The following TRRAP variants were observed in gnomAD, a reference collection of about 807,000 sequenced individuals.
TRRAP encodes the protein transformation/transcription domain associated protein, also known as transformation/transcription domain-associated protein.
TRRAP carries 41 observed loss-of-function variants against 438.8 expected under a neutral mutation model. That is an observed-to-expected ratio of 0.09 (90% CI 0.07 to 0.12). The LOEUF is 0.12. Among genes scored for constraint, TRRAP ranks in the 10% least tolerant of loss-of-function variants. The probability of loss-of-function intolerance (pLI) is 1.00; values close to 1 mark genes in which losing one functional copy is unlikely to be tolerated. For missense variants in TRRAP, 3,122 were observed against 5,055.1 expected (o/e 0.62, Z 11.60); for synonymous variants, 1,994 against 1,962.9 (o/e 1.02, Z -0.42).
chr7:98,922,586 T>C (rs1458794837), intron 21 of TRRAP, among the ~76,000 whole-genome samples: 2 of 152,066 alleles, frequency 1.3e-5, no homozygotes, highest in Non-Finnish European at 1.5e-5. Flanking sequence ...TCCCTCTGAC[T>C]CTGTCACCAG....
intron 43 of TRRAP, 133 bp from the exon 44 acceptor site, chr7:98,957,848 G>A (rs1791692376): frequency 1.4e-6 from 1 of 740,346 alleles, no homozygotes; most frequent in Admixed American, 2.0e-5. Context: ...ATCTGTCTTT[G>A]GTATCCCCAG....
intron 67 of TRRAP, chr7:98,999,054 G>A: frequency 2.1e-6 from 2 of 936,234 alleles, no homozygotes; most frequent in South Asian, 1.6e-5. Context: ...GGAGGAGAAG[G>A]CAGCCATGAC....
chr7:98,911,010 C>T, intron 16 of TRRAP, 67 bp from the exon 17 acceptor site: 8 of 1,415,186 alleles, frequency 5.7e-6, no homozygotes, highest in Non-Finnish European at 6.8e-6. Context: ...GATCTGGTTA[C>T]ATAATGGAAC....
chr7:98,929,500 C>T (rs1479331269), intron 23 of TRRAP, among the ~76,000 whole-genome samples: 5 of 152,186 alleles, frequency 3.3e-5, no homozygotes, highest in African/African-American at 7.2e-5. Context: ...CAGAAAAATA[C>T]AGCCTAAAGG....
chr7:98,994,524 T>C lies in TRRAP; in HGVS notation c.10048-63T>C. ...GGAGGGCCGCACTCAATAGGCGCTT[T>C]TGGCTGCTGGTTCTGGAGTGGAGGG... On this transcript the variant is annotated intron_variant, in intron 66 of 72. Coordinates refer to ENST00000456197, the MANE Select transcript of TRRAP (RefSeq NM_001375524.1). This position sits in a 1 kb window ranked among gnomAD's most constrained non-coding sequence, Gnocchi z 4.8. 6.2e-7 allele frequency: 1 copy of C among 1,602,572 alleles called. No individual in the cohort carries two copies. The highest frequency in any genetic ancestry group is 8.5e-7 in the Non-Finnish European group (1 of 1,173,990).
At chr7:98,954,477 C>T (rs1791497774) in intron 40 of TRRAP, among the ~76,000 whole-genome samples, 1 of 152,250 alleles carries the variant, frequency 6.6e-6, no homozygotes, top group South Asian at 2.1e-4. Context: ...CACATCCCCT[C>T]CCATGGGTCG....
intron 1 of TRRAP, among the ~76,000 whole-genome samples, chr7:98,880,861 G>C (rs890002766): frequency 4.6e-5 from 7 of 152,070 alleles, no homozygotes; most frequent in Non-Finnish European, 8.8e-5. Flanking sequence ...CAGAGAAAGA[G>C]AAAATACCGT....
At chr7:98,991,963 T>C (rs547367931) in intron 64 of TRRAP, among the ~76,000 whole-genome samples, 174 bp from the exon 65 acceptor site, 1 of 152,244 alleles carries the variant, frequency 6.6e-6, no homozygotes, top group Non-Finnish European at 1.5e-5. Flanking sequence ...ATATTTTGCC[T>C]GCTGTTGAAC....
rs1440747737 is a variant in TRRAP, at chr7:99,013,222, A to AT, written c.*868dup. ...GTACAGTGTGATTTTTTTTTTTAGA[A>AT]TAAATATTTTATAAAAGGGTTTATT... On this transcript the variant is annotated 3_prime_UTR_variant, in exon 73 of 73. Coordinates refer to ENST00000456197, the MANE Select transcript of TRRAP (RefSeq NM_001375524.1). 6.6e-6 allele frequency: 1 copy of AT among 151,994 alleles called. No homozygotes were observed. The highest frequency in any genetic ancestry group is 1.9e-4 in the East Asian group (1 of 5,202). The allele number at this position is 151,994 out of a possible 1,614,324, so 9.4% of individuals were successfully genotyped here. A position where few individuals can be genotyped will look rare whatever the true frequency, so the allele number is the denominator to read the frequency against.
intron 3 of TRRAP, among the ~76,000 whole-genome samples, chr7:98,884,111 C>G (rs1362854142): frequency 1.3e-5 from 2 of 152,156 alleles, no homozygotes; most frequent in Non-Finnish European, 2.9e-5. Flanking sequence ...AGGACATGGT[C>G]TAGCTGGATG....
chr7:98,962,348 C>T lies in TRRAP; in HGVS notation c.6750C>T (p.Tyr2250=), dbSNP rs111487624. ...AATATGAAGAGCTGGAGTGCCTCTA[C>T]GCAGCCGTCGGAAAGGTCATCTATG... is the stretch of plus-strand genomic sequence containing the variant. ...ASKYEELECL[Y]AAVGKVIYEG... Residue 2250 remains tyrosine, a synonymous_variant, in exon 47 of 73, where the codon TAC becomes TAT. Transcript: ENST00000456197. 4.7e-5 allele frequency: 76 copies of T among 1,614,198 alleles called. 1 individual carries two copies. The highest frequency in any genetic ancestry group is 3.2e-4 in the African/African-American group (24 of 75,040).
At chr7:98,960,414 G>A (rs1262109017) in intron 45 of TRRAP, among the ~76,000 whole-genome samples, 4 of 152,132 alleles carry the variant, frequency 2.6e-5, no homozygotes, top group Non-Finnish European at 5.9e-5. Flanking sequence ...TGTTATTCTG[G>A]ACTGCAAAGG....
rs757948063 is a variant in TRRAP, at chr7:98,990,455, G to A, written c.9592G>A (p.Val3198Met). ...ESKSRKYLAKVLWLLSFDDDK... is the reference protein window; with the variant it reads ...ESKSRKYLAKMLWLLSFDDDK... The stretch of plus-strand genomic sequence containing the variant: ...TCTAGAATTTCTCCTTCTGTCTCAG[G>A]TGCTGTGGCTTTTGAGTTTTGATGA... Residue 3198 changes from valine to methionine, a missense_variant and splice_region_variant, in exon 64 of 73, where the codon GTG becomes ATG. This residue lies in a region of TRRAP where 52 missense variants were observed against 88.3 expected (regional missense o/e 0.59). Coordinates refer to ENST00000456197, the MANE Select transcript of TRRAP (RefSeq NM_001375524.1). The A allele has an allele frequency of 1.1e-5, 17 of 1,612,682 alleles. No homozygotes were observed. The highest frequency in any genetic ancestry group is 1.4e-5 in the Non-Finnish European group (17 of 1,178,730).
intron 21 of TRRAP, among the ~76,000 whole-genome samples, chr7:98,923,659 G>A (rs1028100898): frequency 8.5e-5 from 13 of 152,168 alleles, no homozygotes; most frequent in Admixed American, 7.9e-4. Context: ...CGAAGAGCAC[G>A]GACACTCAAG....
chr7:98,948,591 T>C lies in TRRAP; in HGVS notation c.4694T>C (p.Leu1565Pro). The change falls in exon 35 of 73, where the codon CTG (leucine) becomes CCG (proline). Residue 1565 changes from leucine (L) to proline (P), a missense_variant. Leu to Pro is a moderately conservative substitution (Grantham distance 98). This residue lies in a region of TRRAP where 108 missense variants were observed against 256.9 expected (regional missense o/e 0.42). Coordinates refer to ENST00000456197, the MANE Select transcript of TRRAP (RefSeq NM_001375524.1). This position sits in a 1 kb window ranked among gnomAD's most constrained non-coding sequence, Gnocchi z 4.9. ...GCGGGGAGTCCATTCCGAGAGCCCC[T>C]GATCAAGTTCCTGACTCGACATCCC... is the stretch of plus-strand genomic sequence containing the variant. ...IEAGSPFREPLIKFLTRHPSQ... is the reference protein window; with the variant it reads ...IEAGSPFREPPIKFLTRHPSQ... 1 of 1,614,152 alleles carries C rather than the reference T, an allele frequency of 6.2e-7. No homozygotes were observed. The highest frequency in any genetic ancestry group is 1.3e-5 in the African/African-American group (1 of 75,032).
rs1386228824 is a variant in TRRAP, at chr7:98,891,195, A to ATATC, written c.261+753_261+754insCTAT. On this transcript the variant is annotated intron_variant, in intron 4 of 72. Transcript: ENST00000456197. The stretch of plus-strand genomic sequence containing the variant: ...CCTTGATCATTTAGAAATAGTCCAT[A>ATATC]TATATATATTTTTTTTTTTTTTTTT... 6.7e-3 allele frequency among the ~76,000 whole-genome samples: 665 copies of ATATC among 99,554 alleles called. 3 individuals are homozygous for ATATC. The highest frequency in any genetic ancestry group is 0.011 in the Non-Finnish European group (589 of 54,680). 65.3% of individuals were successfully genotyped at this position (99,554 alleles called of 152,430 possible).
rs1562933458 is a variant in TRRAP, at chr7:98,903,608, G to A, written c.1036+91G>A. On this transcript the variant is annotated intron_variant, in intron 12 of 72. Coordinates refer to ENST00000456197, the MANE Select transcript of TRRAP (RefSeq NM_001375524.1). ...TGACATTCCATAGTTGTGCTGTGAG[G>A]TTTCCATGTATCCTTGCTTCCTTCA... 71 of 1,550,494 alleles carry A rather than the reference G, an allele frequency of 4.6e-5. 1 individual carries two copies. In the South Asian group the frequency reaches 8.0e-4, roughly 18 times the overall value.
chr7:98,936,101 T>A (rs989144577), intron 28 of TRRAP, among the ~76,000 whole-genome samples: 3 of 152,216 alleles, frequency 2.0e-5, no homozygotes, highest in Non-Finnish European at 4.4e-5. Flanking sequence ...AGCACAGGAA[T>A]GATGCAAAGT....
rs1789496432 is a variant in TRRAP, at chr7:98,915,808, C to T, written c.2285C>T (p.Ala762Val). Residue 762 changes from alanine to valine, a missense_variant, in exon 19 of 73, where the codon GCG becomes GTG. Coordinates refer to ENST00000456197, the MANE Select transcript of TRRAP (RefSeq NM_001375524.1). The part of the protein sequence containing the change: ...EPYNYFLLLR[A>V]LFRSIGGGSH... ...TACAACTACTTCTTGCTGCTACGGG[C>T]GCTGTTTCGCTCTATTGGTGGAGGT... 6.2e-7 allele frequency: 1 copy of T among 1,614,082 alleles called. No individual in the cohort carries two copies.
Sources: gnomAD v4.1 joint callset for allele counts (sites outside exome capture counted in the v4.1 genomes callset) on GRCh38, gnomAD v4.1.1 for gene constraint, gnomAD v4.1.1 regional missense constraint, Gnocchi (gnomAD v3.1) non-coding constraint, MANE v1.5 for transcripts, NCBI Gene and HGNC (gene_info 2026-07-23, HGNC 2026-07-21) for gene names.